Variants in HECW1 observed in about 807,000 individuals in gnomAD.
HECW1 encodes HECT, C2 and WW domain containing E3 ubiquitin protein ligase 1.
Under a neutral mutation model 182.3 loss-of-function variants are expected in HECW1, and 61 were observed. The ratio of observed to expected loss-of-function variants is 0.33; its 90% CI spans 0.27 to 0.41. HECW1 has a LOEUF of 0.41. HECW1 is among the 10% of genes least tolerant of loss of function. HECW1 has a pLI of 1.00. For missense variants in HECW1, 1,739 were observed against 2,108.9 expected, an observed-to-expected ratio of 0.82 and a Z score of 3.44; for synonymous variants, 859 against 832.6, an observed-to-expected ratio of 1.03 and a Z score of -0.55.
At chr7:43,437,461 G>A (rs909551668) in intron 8 of HECW1, among the ~76,000 whole-genome samples, 1 of 152,132 alleles carries the variant, frequency 6.6e-6, no homozygotes, top group Non-Finnish European at 1.5e-5. Context: ...ATAATTCTAG[G>A]TTGAAGGAAT....
rs1348568225 is a variant in HECW1, at chr7:43,188,581, A to G, written c.-31-55294A>G. On this transcript the variant is annotated intron_variant, in intron 2 of 29. Coordinates refer to ENST00000395891, the MANE Select transcript of HECW1 (RefSeq NM_015052.5). The stretch of plus-strand genomic sequence containing the variant: ...AGAAACCCCAGAATCACAGGCAACT[A>G]AAATGTTGGAGGTGTTTCCTTGCTG... 3.9e-5 allele frequency among the ~76,000 whole-genome samples: 6 copies of G among 152,308 alleles called. No homozygotes were observed. In the East Asian group the frequency reaches 1.2e-3, roughly 29 times the overall value.
intron 2 of HECW1, among the ~76,000 whole-genome samples, chr7:43,168,830 G>GC (rs1366658311): frequency 6.6e-6 from 1 of 152,132 alleles, no homozygotes; most frequent in African/African-American, 2.4e-5. Flanking sequence ...TTAGCACTAT[G>GC]CATGTTAAAA....
intron 2 of HECW1, among the ~76,000 whole-genome samples, chr7:43,157,358 C>A (rs1789996993): frequency 6.6e-6 from 1 of 151,908 alleles, no homozygotes; most frequent in South Asian, 2.1e-4. Context: ...TTATTCAAGA[C>A]CAAAGTATAA....
intron 8 of HECW1, among the ~76,000 whole-genome samples, chr7:43,418,648 G>A (rs1445358434): frequency 6.6e-6 from 1 of 151,686 alleles, no homozygotes; most frequent in Non-Finnish European, 1.5e-5. Context: ...TTTATTTTAA[G>A]ATTGCCATTT....
At chr7:43,430,719 A>T (rs1321906973) in intron 8 of HECW1, among the ~76,000 whole-genome samples, 2 of 151,724 alleles carry the variant, frequency 1.3e-5, no homozygotes, top group Non-Finnish European at 2.9e-5. Flanking sequence ...TTTTGATTAC[A>T]TGGTTATGGG....
chr7:43,123,568 C>T (rs973284492), intron 2 of HECW1, among the ~76,000 whole-genome samples: 1 of 152,164 alleles, frequency 6.6e-6, no homozygotes, highest in African/African-American at 2.4e-5. Flanking sequence ...TGTCCTTGCC[C>T]ATCTGCAGTC....
intron 24 of HECW1, chr7:43,510,118 A>C (rs1469772625): frequency 6.6e-6 from 1 of 152,254 alleles, no homozygotes; most frequent in Non-Finnish European, 1.5e-5. Context: ...TTGTTGCCCC[A>C]GAACTTGTGA....
chr7:43,524,498 G>A (rs1014144413), intron 24 of HECW1, among the ~76,000 whole-genome samples: 1 of 152,132 alleles, frequency 6.6e-6, no homozygotes, highest in African/African-American at 2.4e-5. Context: ...AAGGAAAGAG[G>A]GGTATCTTTG....
At chr7:43,547,976 C>CA (rs779355952) in intron 26 of HECW1, among the ~76,000 whole-genome samples, 2 of 152,024 alleles carry the variant, frequency 1.3e-5, no homozygotes, top group Non-Finnish European at 2.9e-5. Context: ...GCGTTCATCG[C>CA]AAAAAACAGC....
chr7:43,564,148 A>G lies in HECW1; in HGVS notation c.*2222A>G, dbSNP rs148321154. 3.4e-3 allele frequency: 658 copies of G among 191,498 alleles called. 7 individuals are homozygous for G. Among genetic ancestry groups the G allele is most frequent in the African/African-American group, 0.014 (621 of 43,178 alleles). The allele number at this position is 191,498 out of a possible 1,614,324, so 11.9% of individuals were successfully genotyped here. A position where few individuals can be genotyped will look rare whatever the true frequency, so the allele number is the denominator to read the frequency against. On this transcript the variant is annotated 3_prime_UTR_variant, in exon 30 of 30. Coordinates refer to ENST00000395891, the MANE Select transcript of HECW1 (RefSeq NM_015052.5). ...TTATTTATGAAATCAGAGCATAAGG[A>G]CTATGCAAATCATTGAACCATAACC...
intron 3 of HECW1, among the ~76,000 whole-genome samples, chr7:43,289,304 A>G (rs545934402): frequency 6.6e-6 from 1 of 152,040 alleles, no homozygotes; most frequent in Admixed American, 6.5e-5. Flanking sequence ...ACGGGGTTTC[A>G]CCATGTTGGC....
rs553390524 is a variant in HECW1, at chr7:43,125,327, G to A, written c.-32+10936G>A. ...GGAAAAAGACCATGATCATGGCTTC[G>A]AATAACTAAAATCTGAATGTGGCAG... is the stretch of plus-strand genomic sequence containing the variant. On this transcript the variant is annotated intron_variant, in intron 2 of 29. Transcript: ENST00000395891. Among the ~76,000 whole-genome samples the A allele has an allele frequency of 5.9e-5, 9 of 152,256 alleles. No homozygotes were observed. The South Asian group carries it at 6.2e-4, about 11-fold the overall frequency.
chr7:43,276,935 C>G (rs892608024), intron 3 of HECW1, among the ~76,000 whole-genome samples: 7 of 152,226 alleles, frequency 4.6e-5, no homozygotes, highest in Non-Finnish European at 7.3e-5. Flanking sequence ...ATACAGGCGT[C>G]TCTAATCCCA....
At chr7:43,116,166 C>G (rs762853742) in intron 2 of HECW1, among the ~76,000 whole-genome samples, 32 of 151,994 alleles carry the variant, frequency 2.1e-4, no homozygotes, top group Non-Finnish European at 4.1e-4. Context: ...TTCCACCACC[C>G]ACCCTCAGTA....
At chr7:43,173,746 C>T (rs1391519611) in intron 2 of HECW1, among the ~76,000 whole-genome samples, 2 of 152,164 alleles carry the variant, frequency 1.3e-5, no homozygotes, top group Non-Finnish European at 1.5e-5. Context: ...AGGCCAAGGA[C>T]CACTATTGGT....
chr7:43,529,526 G>C (rs1585205958), intron 24 of HECW1, among the ~76,000 whole-genome samples: 1 of 152,056 alleles, frequency 6.6e-6, no homozygotes, highest in East Asian at 1.9e-4. Context: ...CCTGTTACAG[G>C]GGCATCTTCC....
At chr7:43,320,518 C>T (rs1809971476) in intron 4 of HECW1, 117 bp from the exon 5 acceptor site, 3 of 699,690 alleles carry the variant, frequency 4.3e-6, no homozygotes, top group East Asian at 2.8e-5. Context: ...GTTCCAGGTG[C>T]TTTTTCTTCT....
chr7:43,551,526 TTAAA>T lies in HECW1; in HGVS notation c.4396-692_4396-689del, dbSNP rs2081826911. Reference sequence around the variant, plus strand: ...AGTGAAATAGTAATACTAATAGCTATTAAATAAGTCCTTCAAAGTGATGTGGACT... The same window carrying T: ...AGTGAAATAGTAATACTAATAGCTATTAAGTCCTTCAAAGTGATGTGGACT... On this transcript the variant is annotated intron_variant, in intron 27 of 29. Coordinates refer to ENST00000395891, the MANE Select transcript of HECW1 (RefSeq NM_015052.5). Among the ~76,000 whole-genome samples the T allele has an allele frequency of 3.9e-5, 6 of 152,190 alleles. 1 individual carries two copies. The South Asian group carries it at 1.0e-3, about 26-fold the overall frequency.
chr7:43,353,177 C>T (rs574226704), intron 5 of HECW1, among the ~76,000 whole-genome samples: 5 of 152,108 alleles, frequency 3.3e-5, no homozygotes, highest in Admixed American at 2.6e-4. Context: ...ATTATTGATG[C>T]ATGTGTTTTA....
Sources: gnomAD v4.1 joint callset for allele counts (sites outside exome capture counted in the v4.1 genomes callset) on GRCh38, gnomAD v4.1.1 for gene constraint, MANE v1.5 for transcripts, NCBI Gene and HGNC (gene_info 2026-07-23, HGNC 2026-07-21) for gene names.